Variants in WDPCP observed in about 807,000 individuals in gnomAD.
WDPCP encodes the protein WD repeat containing planar cell polarity effector.
Under a neutral mutation model 93.1 loss-of-function variants are expected in WDPCP, and 71 were observed. The observed-to-expected ratio is 0.76, with a 90% CI of 0.63 to 0.93. The LOEUF is 0.93. Among genes scored for constraint, WDPCP ranks in the 40% least tolerant of loss-of-function variants. The probability of loss-of-function intolerance (pLI) is 0.00; values close to 1 mark genes in which losing one functional copy is unlikely to be tolerated. For missense variants in WDPCP, 844 were observed against 887.4 expected (o/e 0.95, Z 0.62); for synonymous variants, 315 against 315.0 (o/e 1.00, Z 0.00).
At chr2:63,480,153 A>C (rs182057733) in intron 6 of WDPCP, among the ~76,000 whole-genome samples, 1 of 152,210 alleles carries the variant, frequency 6.6e-6, no homozygotes, top group East Asian at 1.9e-4. Context: ...CAAAAGAAAA[A>C]AAATATTTAG....
chr2:63,142,528 T>C (rs1446601028), intron 17 of WDPCP, among the ~76,000 whole-genome samples: 1 of 152,176 alleles, frequency 6.6e-6, no homozygotes, highest in East Asian at 1.9e-4. Flanking sequence ...TTTTTTAAAA[T>C]TTATTGAGGG....
At chr2:63,642,270 T>G (rs1271773374) in intron 3 of WDPCP, among the ~76,000 whole-genome samples, 1 of 152,150 alleles carries the variant, frequency 6.6e-6, no homozygotes, top group Non-Finnish European at 1.5e-5. Flanking sequence ...TTTGTTATTT[T>G]TGCTTGGGAT....
In WDPCP at chr2:63,119,743, C is replaced by T. The variant is rs376740587; in HGVS notation, c.*2263G>A. 1.3e-5 allele frequency among the ~76,000 whole-genome samples: 2 copies of T among 152,158 alleles called. No homozygotes were observed. Among genetic ancestry groups the T allele is most frequent in the East Asian group, 3.9e-4 (2 of 5,190 alleles). On this transcript the variant is annotated 3_prime_UTR_variant, in exon 18 of 18. Transcript: ENST00000272321. ...GACAGATACTACCTAGCTGTTCCTG[C>T]CTATACCACTCTTCTTACTTTAGAG...
chr2:63,746,311 G>C (rs1669797038), intron 2 of WDPCP, among the ~76,000 whole-genome samples: 1 of 152,144 alleles, frequency 6.6e-6, no homozygotes, highest in Non-Finnish European at 1.5e-5. Flanking sequence ...TTCGTAAGCT[G>C]AGGATGTATG....
intron 12 of WDPCP, among the ~76,000 whole-genome samples, chr2:63,363,604 T>G (rs1194672404): frequency 6.6e-6 from 1 of 152,020 alleles, no homozygotes; most frequent in Admixed American, 6.6e-5. Context: ...AAAAAATATA[T>G]AGAGTATTAA....
intron 1 of WDPCP, among the ~76,000 whole-genome samples, chr2:63,522,076 T>C (rs543282113): frequency 6.6e-5 from 10 of 152,034 alleles, no homozygotes; most frequent in Non-Finnish European, 1.0e-4. Context: ...GATACATGTA[T>C]AGAATGTGCA....
chr2:63,789,910 T>C (rs1575773667), intron 2 of WDPCP, among the ~76,000 whole-genome samples: 2 of 152,216 alleles, frequency 1.3e-5, no homozygotes, highest in East Asian at 3.8e-4. Context: ...GTCTTCCACA[T>C]AGAGTTCCAA....
chr2:63,555,260 C>T (rs1558800969), intron 1 of WDPCP, among the ~76,000 whole-genome samples: 1 of 152,252 alleles, frequency 6.6e-6, no homozygotes, highest in Non-Finnish European at 1.5e-5. Context: ...GACCCTGACC[C>T]ATCCCTCCTC....
At chr2:63,623,021 C>T (rs1036218475) in intron 3 of WDPCP, among the ~76,000 whole-genome samples, 1 of 152,214 alleles carries the variant, frequency 6.6e-6, no homozygotes, top group Non-Finnish European at 1.5e-5. Flanking sequence ...CCACTTCCGG[C>T]GCAGCCCCGC....
intron 13 of WDPCP, among the ~76,000 whole-genome samples, chr2:63,284,249 A>T (rs1683809194): frequency 2.0e-5 from 3 of 152,246 alleles, no homozygotes; most frequent in South Asian, 4.1e-4. Context: ...ATTTGAAAGC[A>T]GATGGTTATA....
rs761743036 is a variant in WDPCP, at chr2:63,405,105, CT to C, written c.826-449del. Among the ~76,000 whole-genome samples the C allele has an allele frequency of 2.8e-4, 43 of 152,232 alleles. 1 individual carries two copies. Among genetic ancestry groups the C allele is most frequent in the Admixed American group, 5.9e-4 (9 of 15,292 alleles). On this transcript the variant is annotated intron_variant, in intron 9 of 17. Coordinates refer to ENST00000272321, the MANE Select transcript of WDPCP (RefSeq NM_015910.7). Reference sequence around the variant, plus strand: ...GTTGGACTTTAAATGATTAGTTAATCTCCTTCAACCTACCACCCTTGTCAAT... The same window carrying C: ...GTTGGACTTTAAATGATTAGTTAATCCCTTCAACCTACCACCCTTGTCAAT...
At chr2:63,297,866 C>T (rs1684988743) in intron 13 of WDPCP, among the ~76,000 whole-genome samples, 1 of 152,076 alleles carries the variant, frequency 6.6e-6, no homozygotes, top group Non-Finnish European at 1.5e-5. Context: ...TGCCATTTTG[C>T]AAAGTAATGT....
intron 14 of WDPCP, among the ~76,000 whole-genome samples, chr2:63,254,190 T>C (rs1330824112): frequency 6.6e-6 from 1 of 152,030 alleles, no homozygotes; most frequent in Non-Finnish European, 1.5e-5. Context: ...TAGGTACACA[T>C]GGACATAAAG....
chr2:63,829,154 C>A (rs1470660024), upstream of WDPCP, among the ~76,000 whole-genome samples: 1 of 152,032 alleles, frequency 6.6e-6, no homozygotes, highest in African/African-American at 2.4e-5. Flanking sequence ...CTTTATTGAC[C>A]AAAACTCAAG....
At chr2:63,515,207 T>C (rs1249171742) in intron 1 of WDPCP, among the ~76,000 whole-genome samples, 2 of 152,186 alleles carry the variant, frequency 1.3e-5, no homozygotes, top group Non-Finnish European at 2.9e-5. Flanking sequence ...AGTATTAATT[T>C]CTTCTGGTAC....
intron 15 of WDPCP, among the ~76,000 whole-genome samples, chr2:63,169,163 A>G (rs1190388618): frequency 6.6e-6 from 1 of 152,140 alleles, no homozygotes; most frequent in Non-Finnish European, 1.5e-5. Flanking sequence ...ATTTATATTT[A>G]TTAAAATATA....
At chr2:63,536,773 CT>C (rs58661370) in intron 1 of WDPCP, among the ~76,000 whole-genome samples, 1,740 of 93,590 alleles carry the variant, frequency 0.019, 48 homozygotes, top group African/African-American at 0.041. Context: ...ATTCTTCATG[CT>C]TTTTTTTTTT....
At chr2:63,285,734 G>T (rs899590558) in intron 13 of WDPCP, among the ~76,000 whole-genome samples, 3 of 152,148 alleles carry the variant, frequency 2.0e-5, no homozygotes, top group African/African-American at 7.2e-5. Context: ...GCTGAAAGTA[G>T]AAGTAATGAA....
At chr2:63,509,355 G>C (rs1702078105) in intron 1 of WDPCP, among the ~76,000 whole-genome samples, 2 of 152,062 alleles carry the variant, frequency 1.3e-5, no homozygotes, top group Non-Finnish European at 2.9e-5. Flanking sequence ...ACAAAATTAA[G>C]GCAGAAATAA....
Sources: gnomAD v4.1 joint callset for allele counts (sites outside exome capture counted in the v4.1 genomes callset) on GRCh38, gnomAD v4.1.1 for gene constraint, MANE v1.5 for transcripts, NCBI Gene and HGNC (gene_info 2026-07-23, HGNC 2026-07-21) for gene names.